Variants in FLT1 observed in about 807,000 individuals in gnomAD.
FLT1 encodes fms related receptor tyrosine kinase 1.
Under a neutral mutation model 156.3 loss-of-function variants are expected in FLT1, and 49 were observed. The observed-to-expected ratio is 0.31, with a 90% confidence interval of 0.25 to 0.40. The LOEUF (loss-of-function observed/expected upper bound fraction) is 0.40, where lower values mean the gene tolerates loss of function less well. FLT1 is among the 10% of genes least tolerant of loss of function. The pLI is 1.00. For missense variants in FLT1, 1,322 were observed against 1,637.2 expected, an observed-to-expected ratio of 0.81 and a Z score of 3.32; for synonymous variants, 594 against 583.8, an observed-to-expected ratio of 1.02 and a Z score of -0.25.
intron 24 of FLT1, among the ~76,000 whole-genome samples, chr13:28,319,004 G>GA (rs1871325228): frequency 6.6e-6 from 1 of 152,206 alleles, no homozygotes; most frequent in East Asian, 1.9e-4. Flanking sequence ...CCTCGCTGGG[G>GA]CAGCTGAGCT....
chr13:28,379,951 C>A lies in FLT1; in HGVS notation c.2116+4934G>T, dbSNP rs910766729. 4.6e-5 allele frequency among the ~76,000 whole-genome samples: 7 copies of A among 152,192 alleles called. No homozygotes were observed. In the South Asian group the frequency reaches 8.3e-4, roughly 18 times the overall value. On this transcript the variant is annotated intron_variant, in intron 14 of 29. Transcript: ENST00000282397. ...TGCCTCACTTCCTCTCTAATATTTT[C>A]TTTGGAATGGGAGCAAGTCATCATT...
At chr13:28,329,854 G>T in intron 18 of FLT1, 126 bp from the exon 19 acceptor site, 1 of 765,488 alleles carries the variant, frequency 1.3e-6, no homozygotes, top group Non-Finnish European at 2.3e-6. Context: ...CCCACATTCT[G>T]CAGAAAGGCC....
chr13:28,318,330 G>C (rs1176893454), intron 24 of FLT1, among the ~76,000 whole-genome samples: 3 of 152,088 alleles, frequency 2.0e-5, no homozygotes, highest in Non-Finnish European at 4.4e-5. Flanking sequence ...GCTGCCCGTG[G>C]CCAGGAGTCT....
At chr13:28,327,412 A>G in intron 20 of FLT1, 50 bp downstream of exon 20, 1 of 1,112,572 alleles carries the variant, frequency 9.0e-7, no homozygotes, top group African/African-American at 1.5e-5. Context: ...TACAGACTAA[A>G]TGAAAACTCA....
rs1168186857 is a variant in FLT1 at position 28,430,111 on chromosome 13, C to G, written c.1045G>C (p.Gly349Arg). Residue 349 changes from glycine to arginine, a missense_variant, in exon 8 of 30, where the codon GGC (glycine) becomes CGC (arginine). Coordinates refer to ENST00000282397, the MANE Select transcript of FLT1 (RefSeq NM_002019.4). Reference protein sequence around the residue: ...RKQQVLETVAGKRSYRLSMKV... With the variant: ...RKQQVLETVARKRSYRLSMKV... The stretch of plus-strand genomic sequence containing the variant: ...ATAGAGAGCCGGTAAGACCGCTTGC[C>G]AGCTACGGTTTCAAGCACCTGCTGT... The G allele has an allele frequency of 9.3e-6, 15 of 1,614,028 alleles. No individual in the cohort carries two copies. Among genetic ancestry groups the G allele is most frequent in the Non-Finnish European group, 1.2e-5 (14 of 1,179,900 alleles).
At chr13:28,306,037 G>C (rs143837793) in intron 29 of FLT1, among the ~76,000 whole-genome samples, 111 of 152,348 alleles carry the variant, frequency 7.3e-4, no homozygotes, top group African/African-American at 2.6e-3. Flanking sequence ...ACATCCGACA[G>C]GTGCAGCTTT....
chr13:28,436,991 A>T (rs1367483459), intron 4 of FLT1, among the ~76,000 whole-genome samples: 1 of 152,194 alleles, frequency 6.6e-6, no homozygotes, highest in Non-Finnish European at 1.5e-5. Context: ...TCTTAACCAC[A>T]CTTGTCTTCC....
chr13:28,306,531 G>T, intron 29 of FLT1, 147 bp downstream of exon 29: 1 of 676,780 alleles, frequency 1.5e-6, no homozygotes, highest in Non-Finnish European at 2.7e-6. Context: ...TTTGCCCTCT[G>T]GGGGGAAATG....
At chr13:28,447,367 G>A (rs895548701) in intron 3 of FLT1, among the ~76,000 whole-genome samples, 4 of 151,284 alleles carry the variant, frequency 2.6e-5, no homozygotes, top group Admixed American at 2.6e-4. Context: ...AAATTTTTTT[G>A]TAGAGATAAG....
intron 15 of FLT1, 139 bp downstream of exon 15, chr13:28,357,415 T>C: frequency 2.3e-6 from 2 of 853,142 alleles, no homozygotes; most frequent in South Asian, 2.8e-5. Flanking sequence ...CTTCCCGGAG[T>C]GGCAGGGAGA....
chr13:28,410,579 T>A (rs976425523), intron 10 of FLT1, among the ~76,000 whole-genome samples: 2 of 152,224 alleles, frequency 1.3e-5, no homozygotes, highest in Admixed American at 6.5e-5. Context: ...CAGATTTTTT[T>A]AAAAGGATCC....
chr13:28,427,884 G>C lies in FLT1; in HGVS notation c.1144C>G (p.Arg382Gly), dbSNP rs766489043. Residue 382 changes from arginine to glycine, a missense_variant, in exon 9 of 30, where the codon CGC (arginine) becomes GGC (glycine). Physicochemically the swap from Arg to Gly is moderately radical, Grantham distance 125 (BLOSUM62 -2). Transcript: ENST00000282397. Reference sequence around the variant, plus strand: ...AACGAGTAGCCACGAGTCAAATAGCGAGCAGATTTCTCAGTCGCAGGTAAC... The same window carrying C: ...AACGAGTAGCCACGAGTCAAATAGCCAGCAGATTTCTCAGTCGCAGGTAAC... ...DGLPATEKSA[R>G]YLTRGYSLII... The C allele has an allele frequency of 6.2e-7, 1 of 1,613,878 alleles. No homozygotes were observed. Among genetic ancestry groups the C allele is most frequent in the Non-Finnish European group, 8.5e-7 (1 of 1,179,860 alleles).
At chr13:28,327,382 T>G in intron 20 of FLT1, 80 bp downstream of exon 20, 1 of 856,728 alleles carries the variant, frequency 1.2e-6, no homozygotes, top group Non-Finnish European at 2.0e-6. Context: ...ACAATACAGG[T>G]TTCTCTTGCT....
Position 28,303,125 on chromosome 13 carries a change from A to G in FLT1, c.*42T>C, listed in dbSNP as rs1461975478. On this transcript the variant is annotated 3_prime_UTR_variant, in exon 30 of 30. Transcript: ENST00000282397. ...GCAAAAGCTAGTTTCCTGGGGGTAT[A>G]AATACACATGTGCTTCTAGAAATAA... 1.3e-6 allele frequency: 2 copies of G among 1,567,904 alleles called. No individual in the cohort carries two copies. Among genetic ancestry groups the G allele is most frequent in the African/African-American group, 1.3e-5 (1 of 74,214 alleles).
chr13:28,465,076 A>C (rs1239288818), intron 3 of FLT1, among the ~76,000 whole-genome samples: 2 of 152,186 alleles, frequency 1.3e-5, no homozygotes, highest in Non-Finnish European at 2.9e-5. Flanking sequence ...GGCTGAGTAC[A>C]TGGCTTTTTC....
chr13:28,329,108 G>A (rs1028100379), intron 19 of FLT1, among the ~76,000 whole-genome samples: 42 of 152,144 alleles, frequency 2.8e-4, no homozygotes, highest in African/African-American at 9.4e-4. Context: ...CCTGCCATAC[G>A]GAAAGAAAGG....
intron 11 of FLT1, among the ~76,000 whole-genome samples, chr13:28,399,555 G>A (rs1405747308): frequency 6.6e-6 from 1 of 152,168 alleles, no homozygotes; most frequent in Non-Finnish European, 1.5e-5. Flanking sequence ...TTTAAGACCT[G>A]TGTAGGTAAC....
At chr13:28,477,309 A>G (rs749541780) in intron 1 of FLT1, among the ~76,000 whole-genome samples, 8 of 152,214 alleles carry the variant, frequency 5.3e-5, no homozygotes, top group African/African-American at 7.2e-5. Flanking sequence ...TTCATGTGAC[A>G]TCAGAGTTAA....
At chr13:28,348,881 C>T (rs2015455) in intron 15 of FLT1, among the ~76,000 whole-genome samples, 141,359 of 151,774 alleles carry the variant, frequency 0.93, 66,485 homozygotes, top group East Asian at 1. Flanking sequence ...TGCGCCACTG[C>T]ACTCCAGCCT....
Sources: gnomAD v4.1 joint callset for allele counts (sites outside exome capture counted in the v4.1 genomes callset) on GRCh38, gnomAD v4.1.1 for gene constraint, MANE v1.5 for transcripts, NCBI Gene and HGNC (gene_info 2026-07-23, HGNC 2026-07-21) for gene names.